C16orf96: variants seen among roughly 807,000 people sequenced by gnomAD.
The protein encoded by C16orf96 is chromosome 16 open reading frame 96.
In C16orf96, 108 loss-of-function variants were observed where a neutral mutation model predicts 103.6. That is an observed-to-expected ratio of 1.04 (90% CI 0.89 to 1.22). C16orf96 has a LOEUF of 1.22. Among genes scored for constraint, C16orf96 ranks in the 50% most tolerant of loss-of-function variants. The pLI is 0.00. For missense variants in C16orf96, 1,586 were observed against 1,464.2 expected (o/e 1.08, Z -1.36); for synonymous variants, 566 against 593.5 (o/e 0.95, Z 0.67).
chr16:4,576,507 CT>C lies in C16orf96; in HGVS notation c.2028del (p.Glu677LysfsTer11), dbSNP rs1332714734. The C allele has an allele frequency of 1.5e-5, 23 of 1,551,564 alleles. No homozygotes were observed. The highest frequency in any genetic ancestry group is 1.8e-5 in the Non-Finnish European group (21 of 1,147,014). The part of the protein sequence containing the change: ...AMVATKQAMS[P>X]EDKKRAVKYS... ...GTGGCTACCAAGCAGGCCATGAGCC[CT>C]GAAGACAAGAAGAGGGCTGTCAAGT... On this transcript the variant is annotated frameshift_variant, in exon 5 of 16. Coordinates refer to ENST00000444310, the MANE Select transcript of C16orf96 (RefSeq NM_001145011.2). LOFTEE classifies it high-confidence loss of function.
At chr16:4,571,479 C>T (rs971744727) in intron 1 of C16orf96, 82 bp from the exon 2 acceptor site, 26 of 1,210,648 alleles carry the variant, frequency 2.1e-5, no homozygotes, top group Non-Finnish European at 3.0e-5. Flanking sequence ...TGAACAACGG[C>T]TATCATCAGA....
rs1474645961 is a variant in C16orf96, at chr16:4,576,555, A to G, written c.2075A>G (p.Gln692Arg). 1.9e-6 allele frequency: 3 copies of G among 1,551,594 alleles called. No individual in the cohort carries two copies. The highest frequency in any genetic ancestry group is 2.7e-5 in the African/African-American group (2 of 73,188). Reference protein sequence around the residue: ...AVKYSMSHIAQIPVKHDSLKE... With the variant: ...AVKYSMSHIARIPVKHDSLKE... ...AAGTATTCCATGAGCCACATAGCCC[A>G]GATACCTGTCAAACACGACTCTCTG... The change falls in exon 5 of 16, where the codon CAG (glutamine) becomes CGG (arginine). Residue 692 changes from glutamine (Q) to arginine (R), a missense_variant. Gln to Arg is a conservative substitution (Grantham distance 43, BLOSUM62 1). Transcript: ENST00000444310.
intron 9 of C16orf96, among the ~76,000 whole-genome samples, chr16:4,589,971 C>G (rs1027281415): frequency 1.3e-5 from 2 of 151,694 alleles, no homozygotes; most frequent in African/African-American, 2.4e-5. Context: ...AAAAATACAA[C>G]AAAAATTAGC....
intron 7 of C16orf96, among the ~76,000 whole-genome samples, chr16:4,581,183 T>TATATATATATATATATAA (rs541449983): frequency 8.5e-6 from 1 of 118,336 alleles, no homozygotes; most frequent in African/African-American, 3.2e-5. Context: ...TATATATATA[T>TATATATATATATATATAA]AATTAGCCAG....
At chr16:4,562,546 T>C (rs2059343855) in intron 1 of C16orf96, among the ~76,000 whole-genome samples, 1 of 152,218 alleles carries the variant, frequency 6.6e-6, no homozygotes, top group Non-Finnish European at 1.5e-5. Flanking sequence ...TCAATTTTTT[T>C]GTTTGTCTTT....
rs534785831 is a variant in C16orf96, at chr16:4,578,898, T to A, written c.2156-42T>A. ...CTAGAGCCCAACAGAAACATCTTCC[T>A]CCATCCGAGCCCTCAGCAGCCACCC... On this transcript the variant is annotated intron_variant, in intron 5 of 15. Transcript: ENST00000444310. 185 of 1,480,272 alleles carry A rather than the reference T, an allele frequency of 1.2e-4. 1 individual carries two copies. In the East Asian group the frequency reaches 3.8e-3, roughly 31 times the overall value. 91.7% of individuals were successfully genotyped at this position (1,480,272 alleles called of 1,614,324 possible). A position where few individuals can be genotyped will look rare whatever the true frequency, so the allele number is the denominator to read the frequency against.
At chr16:4,581,393 G>A (rs1156317621) in intron 7 of C16orf96, among the ~76,000 whole-genome samples, 2 of 151,504 alleles carry the variant, frequency 1.3e-5, no homozygotes, top group East Asian at 3.9e-4. Context: ...CAGCACTTTG[G>A]GAGGCTGAGG....
At chr16:4,550,284 C>G in the C16orf96 span, among the ~76,000 whole-genome samples, 2 of 152,048 alleles carry the variant, frequency 1.3e-5, no homozygotes, top group Non-Finnish European at 2.9e-5. Context: ...AGGGTTTCAT[C>G]ATGTTGGACA....
At chr16:4,589,336 T>C (rs1897003039) in intron 9 of C16orf96, among the ~76,000 whole-genome samples, 1 of 151,038 alleles carries the variant, frequency 6.6e-6, no homozygotes, top group Middle Eastern at 3.4e-3. Flanking sequence ...CCCAGTACTT[T>C]GGGAGGCCAA....
intron 5 of C16orf96, among the ~76,000 whole-genome samples, chr16:4,577,606 G>A (rs1343281721): frequency 4.0e-5 from 6 of 150,036 alleles, no homozygotes; most frequent in African/African-American, 1.5e-4. Context: ...AGCCGAGATC[G>A]TGCCACTGCA....
At chr16:4,572,544 G>A (rs941947012) in intron 2 of C16orf96, among the ~76,000 whole-genome samples, 17 of 150,986 alleles carry the variant, frequency 1.1e-4, no homozygotes, top group South Asian at 2.1e-4. Flanking sequence ...CTCTTGATCC[G>A]CCCGCCTCAG....
chr16:4,578,880 C>G (rs916725476), intron 5 of C16orf96, 60 bp from the exon 6 acceptor site: 3 of 1,343,900 alleles, frequency 2.2e-6, no homozygotes, highest in Non-Finnish European at 3.1e-6. Context: ...CAGCTAGAGC[C>G]CAACAGAAAC....
intron 1 of C16orf96, among the ~76,000 whole-genome samples, chr16:4,563,600 G>A (rs962899165): frequency 6.6e-6 from 1 of 151,112 alleles, no homozygotes; most frequent in Non-Finnish European, 1.5e-5. Context: ...ACGGAGTCTC[G>A]CTCTGTTGCC....
At chr16:4,559,623 G>A (rs59966658) in intron 1 of C16orf96, among the ~76,000 whole-genome samples, 5,125 of 152,034 alleles carry the variant, frequency 0.034, 301 homozygotes, top group African/African-American at 0.12. Flanking sequence ...CCATTTAAAA[G>A]TGGACATTAA....
intron 7 of C16orf96, among the ~76,000 whole-genome samples, chr16:4,585,291 CAA>C (rs1555506767): frequency 1.7e-4 from 3 of 17,168 alleles, no homozygotes; most frequent in Admixed American, 1.0e-3. Flanking sequence ...CCTGTCTCTA[CAA>C]AAAAAAAAAA....
chr16:4,581,458 C>G (rs992894147), intron 7 of C16orf96, among the ~76,000 whole-genome samples: 38 of 151,382 alleles, frequency 2.5e-4, no homozygotes, highest in Non-Finnish European at 4.6e-4. Context: ...GTGGTGAAAC[C>G]CCATCTCTAC....
At chr16:4,541,529 G>A in the C16orf96 span, among the ~76,000 whole-genome samples, 17 of 152,192 alleles carry the variant, frequency 1.1e-4, no homozygotes, top group Non-Finnish European at 2.5e-4. Flanking sequence ...AGCTGGGATT[G>A]TGCCACTGCA....
the C16orf96 span, among the ~76,000 whole-genome samples, chr16:4,550,500 T>G: frequency 2.9e-3 from 445 of 152,346 alleles, 3 homozygotes; most frequent in African/African-American, 0.01. Flanking sequence ...AGCATCAAGC[T>G]AATGCATTGT....
At chr16:4,552,501 A>AG (rs1441279818), upstream of C16orf96, among the ~76,000 whole-genome samples, 1 of 149,762 alleles carries the variant, frequency 6.7e-6, no homozygotes, top group Non-Finnish European at 1.5e-5. Flanking sequence ...AAAAAAAAAA[A>AG]GAAACGAAAA....
Sources: gnomAD v4.1 joint callset for allele counts (sites outside exome capture counted in the v4.1 genomes callset) on GRCh38, gnomAD v4.1.1 for gene constraint, MANE v1.5 for transcripts, NCBI Gene and HGNC (gene_info 2026-07-23, HGNC 2026-07-21) for gene names.